GANAB: variants seen among roughly 807,000 people sequenced by gnomAD.
GANAB encodes the protein neutral alpha-glucosidase AB.
In GANAB, 35 loss-of-function variants were observed where a neutral mutation model predicts 129.9. The ratio of observed to expected loss-of-function variants is 0.27; its 90% CI spans 0.21 to 0.36. The LOEUF is 0.36. Among genes scored for constraint, GANAB ranks in the 10% least tolerant of loss-of-function variants. The probability of loss-of-function intolerance (pLI) is 1.00; values close to 1 mark genes in which losing one functional copy is unlikely to be tolerated. For missense variants in GANAB, 939 were observed against 1,221.0 expected (o/e 0.77, Z 3.44); for synonymous variants, 482 against 451.8 (o/e 1.07, Z -0.85).
chr11:62,629,447 T>A (rs1943557071), intron 15 of GANAB, 141 bp downstream of exon 15: 2 of 793,254 alleles, frequency 2.5e-6, no homozygotes, highest in Non-Finnish European at 4.3e-6. Flanking sequence ...TCCCACACCC[T>A]GACTTCCTTC....
At chr11:62,644,661 T>C (rs1480784501) in intron 1 of GANAB, among the ~76,000 whole-genome samples, 1 of 151,794 alleles carries the variant, frequency 6.6e-6, no homozygotes, top group African/African-American at 2.4e-5. Context: ...GGGTGTCTAC[T>C]AAAAATACAA....
rs746060629 is a variant in GANAB, at chr11:62,629,042, GAA to G, written c.1937-32_1937-31del. ...TAGAGGAGAGAGAGGAAGCAGGTTG[GAA>G]AAGAGGGTGAAGGAGAGATACTGCT... On this transcript the variant is annotated intron_variant, in intron 16 of 23. Coordinates refer to ENST00000356638, the MANE Select transcript of GANAB (RefSeq NM_198334.3). 3 of 1,608,428 alleles carry G rather than the reference GAA, an allele frequency of 1.9e-6. No individual in the cohort carries two copies. The African/African-American group carries it at 4.0e-5, about 21-fold the overall frequency.
At chr11:62,644,744 A>G (rs1459762543) in intron 1 of GANAB, among the ~76,000 whole-genome samples, 1 of 151,890 alleles carries the variant, frequency 6.6e-6, no homozygotes, top group Admixed American at 6.6e-5. Flanking sequence ...AATCGCTTGA[A>G]CTCGGGAGGT....
intron 1 of GANAB, among the ~76,000 whole-genome samples, chr11:62,642,408 C>T (rs142645128): frequency 6.6e-6 from 1 of 151,366 alleles, no homozygotes; most frequent in East Asian, 1.9e-4. Context: ...AAAATTTTAA[C>T]TTAATCAGAG....
chr11:62,633,538 C>T, intron 5 of GANAB, 24 bp from the exon 6 acceptor site: 2 of 1,609,800 alleles, frequency 1.2e-6, no homozygotes, highest in Non-Finnish European at 1.7e-6. Flanking sequence ...GAGCTGTCTG[C>T]TCCAATCCAG....
At chr11:62,629,992 CAG>C (rs1478343699) in intron 13 of GANAB, 35 bp from the exon 14 acceptor site, 1 of 1,607,878 alleles carries the variant, frequency 6.2e-7, no homozygotes, top group South Asian at 1.1e-5. Context: ...GACAGAAGGA[CAG>C]AGGGGAGGAA....
Position 62,634,944 on chromosome 11 carries a change from G to C in GANAB, c.437C>G (p.Pro146Arg). The C allele has an allele frequency of 6.2e-7, 1 of 1,613,614 alleles. No individual in the cohort carries two copies. Among genetic ancestry groups the C allele is most frequent in the South Asian group, 1.1e-5 (1 of 91,064 alleles). Residue 146 changes from proline (P) to arginine (R), a missense_variant, in exon 5 of 24, where the codon CCC becomes CGC. Pro to Arg is a moderately radical substitution (Grantham distance 103). Around this residue, in one of 5 missense-constraint regions of GANAB, gnomAD observed 321 missense variants for 329.1 expected, o/e 0.98. Transcript: ENST00000356638. ...CCGTGCTGTCAAGATGATCTTGTAG[G>C]GTCCCTCAGCCATGGTTAACTCCAC... Reference protein sequence around the residue: ...NSVELTMAEGPYKIILTARPF... With the variant: ...NSVELTMAEGRYKIILTARPF...
chr11:62,638,925 G>C (rs1179358996), intron 4 of GANAB, 58 bp downstream of exon 4: 1 of 1,577,920 alleles, frequency 6.3e-7, no homozygotes, highest in Non-Finnish European at 8.7e-7. Flanking sequence ...ACCAAAAAAA[G>C]GTTCATCAGG....
chr11:62,626,707 A>G (rs1264008787), intron 20 of GANAB, 23 bp from the exon 21 acceptor site: 1 of 1,514,732 alleles, frequency 6.6e-7, no homozygotes, highest in African/African-American at 1.4e-5. Context: ...CAATGCCAGG[A>G]TGAAGTTGCC....
In GANAB at chr11:62,625,887, A is replaced by T. The variant is rs1943348486; in HGVS notation, c.2763T>A (p.Pro921=). The T allele has an allele frequency of 7.4e-6, 12 of 1,613,778 alleles. No individual in the cohort carries two copies. Among genetic ancestry groups the T allele is most frequent in the Non-Finnish European group, 1.0e-5 (12 of 1,179,650 alleles). ...PESRLSFQHD[P]ETSVLVLRKP... is the part of the protein sequence containing the mutation. ...TGCGCAGGACCAACACAGAGGTCTC[A>T]GGGTCATGCTGGAAGGACAGGCGGC... Residue 921 remains proline, a synonymous_variant, in exon 24 of 24, where the codon CCT becomes CCA. Coordinates refer to ENST00000356638, the MANE Select transcript of GANAB (RefSeq NM_198334.3).
chr11:62,627,397 G>A, intron 17 of GANAB, 44 bp from the exon 18 acceptor site: 1 of 1,121,202 alleles, frequency 8.9e-7, no homozygotes. Flanking sequence ...TTCAATTTTG[G>A]CACAAGTCAG....
chr11:62,640,602 G>A (rs1660109695), intron 1 of GANAB, among the ~76,000 whole-genome samples: 1 of 142,788 alleles, frequency 7.0e-6, no homozygotes, highest in Non-Finnish European at 1.5e-5. Flanking sequence ...GGGAGGCCAA[G>A]GCTGACAGAT....
intron 22 of GANAB, 53 bp from the exon 23 acceptor site, chr11:62,626,218 G>A: frequency 7.1e-7 from 1 of 1,408,356 alleles, no homozygotes; most frequent in Non-Finnish European, 1.0e-6. Flanking sequence ...CAGAACAGAA[G>A]GAAGGAGGAG....
At chr11:62,644,666 A>C (rs1450896420) in intron 1 of GANAB, among the ~76,000 whole-genome samples, 1 of 152,036 alleles carries the variant, frequency 6.6e-6, no homozygotes, top group Non-Finnish European at 1.5e-5. Context: ...TCTACTAAAA[A>C]TACAAAAATT....
chr11:62,637,217 G>A (rs903720977), intron 4 of GANAB, among the ~76,000 whole-genome samples: 2 of 152,112 alleles, frequency 1.3e-5, no homozygotes, highest in Non-Finnish European at 2.9e-5. Flanking sequence ...GAAACCTCAA[G>A]TATGAACTTT....
intron 15 of GANAB, 23 bp downstream of exon 15, chr11:62,629,565 C>T: frequency 6.6e-7 from 1 of 1,514,458 alleles, no homozygotes; most frequent in Non-Finnish European, 9.0e-7. Flanking sequence ...CCTTCTGCCA[C>T]AGCTCCATTC....
At position 62,626,590 on chromosome 11, in the gene GANAB, A is replaced by G. The variant is rs1335653055; in HGVS notation, c.2492T>C (p.Phe831Ser). Residue 831 changes from phenylalanine to serine, a missense_variant, in exon 21 of 24, where the codon TTT (phenylalanine) becomes TCT (serine). Physicochemically the swap from Phe to Ser is radical, Grantham distance 155. Transcript: ENST00000356638. ...ACTTACCTGAGGGCTAAGTGCAACAAAGAGAGTGATGGGGTCATCCTTCAT... is the reference window on the plus strand; with the variant it reads ...ACTTACCTGAGGGCTAAGTGCAACAGAGAGAGTGATGGGGTCATCCTTCAT... The part of the protein sequence containing the change: ...ECMKDDPITL[F>S]VALSPQGTAQ... The G allele has an allele frequency of 5.6e-6, 9 of 1,609,444 alleles. No individual in the cohort carries two copies. The highest frequency in any genetic ancestry group is 7.7e-6 in the Non-Finnish European group (9 of 1,175,986).
chr11:62,642,715 G>A (rs558341002), intron 1 of GANAB, among the ~76,000 whole-genome samples: 1 of 152,122 alleles, frequency 6.6e-6, no homozygotes, highest in African/African-American at 2.4e-5. Flanking sequence ...TACAGGCGTT[G>A]TGTCATCGCG....
intron 1 of GANAB, among the ~76,000 whole-genome samples, chr11:62,646,022 C>G (rs567216834): frequency 6.6e-6 from 1 of 152,214 alleles, no homozygotes; most frequent in Non-Finnish European, 1.5e-5. Flanking sequence ...CTGGGCCGTG[C>G]CCAGCGACCG....
Sources: gnomAD v4.1 joint callset for allele counts (sites outside exome capture counted in the v4.1 genomes callset) on GRCh38, gnomAD v4.1.1 for gene constraint, gnomAD v4.1.1 regional missense constraint, MANE v1.5 for transcripts, NCBI Gene and HGNC (gene_info 2026-07-23, HGNC 2026-07-21) for gene names.